Variants in LNPEP observed in about 807,000 individuals in gnomAD.
LNPEP encodes leucyl-cystinyl aminopeptidase.
Under a neutral mutation model 120.6 loss-of-function variants are expected in LNPEP, and 64 were observed. That is an observed-to-expected ratio of 0.53 (90% CI 0.43 to 0.65). The LOEUF is 0.65. Ranked by LOEUF, LNPEP falls within the 30% of genes least tolerant of loss-of-function variation. LNPEP has a pLI of 0.00. For missense variants in LNPEP, 1,057 were observed against 1,200.0 expected (o/e 0.88, Z 1.76); for synonymous variants, 435 against 425.4 (o/e 1.02, Z -0.28).
chr5:96,993,259 C>CTT, intron 5 of LNPEP, 124 bp downstream of exon 5: 2 of 617,180 alleles, frequency 3.2e-6, no homozygotes, highest in Non-Finnish European at 5.4e-6. Context: ...ATTATTAATG[C>CTT]TTTAAAAATT....
At chr5:96,957,472 G>T in intron 1 of LNPEP, among the ~76,000 whole-genome samples, 1 of 152,134 alleles carries the variant, frequency 6.6e-6, no homozygotes. Flanking sequence ...TTGCTAATCA[G>T]CTGACCTTAA....
intron 4 of LNPEP, among the ~76,000 whole-genome samples, chr5:96,988,643 C>T (rs569580277): frequency 6.6e-6 from 1 of 152,098 alleles, no homozygotes; most frequent in Admixed American, 6.6e-5. Flanking sequence ...CAGGGTCTCA[C>T]TCTGCCACCC....
intron 14 of LNPEP, 94 bp from the exon 15 acceptor site, chr5:97,024,427 A>G (rs548483821): frequency 1.3e-4 from 151 of 1,152,836 alleles, no homozygotes; most frequent in Non-Finnish European, 1.6e-4. Context: ...ATTATTACCA[A>G]CCCTCACACC....
intron 1 of LNPEP, among the ~76,000 whole-genome samples, chr5:96,963,735 A>T (rs1360921893): frequency 6.6e-6 from 1 of 152,146 alleles, no homozygotes; most frequent in Non-Finnish European, 1.5e-5. Flanking sequence ...ATTCCTTTTT[A>T]AAAAAGAATG....
intron 1 of LNPEP, among the ~76,000 whole-genome samples, chr5:96,960,059 C>T (rs1157563026): frequency 6.6e-6 from 1 of 151,408 alleles, no homozygotes; most frequent in Non-Finnish European, 1.5e-5. Flanking sequence ...TTGCCTCAGC[C>T]TCCCGAGTAG....
At chr5:96,986,953 C>G (rs1790257674) in intron 4 of LNPEP, among the ~76,000 whole-genome samples, 1 of 151,898 alleles carries the variant, frequency 6.6e-6, no homozygotes, top group South Asian at 2.1e-4. Flanking sequence ...GAGTGGTAGC[C>G]ACTAGCCTTA....
intron 13 of LNPEP, among the ~76,000 whole-genome samples, chr5:97,018,995 C>A (rs1239949130): frequency 6.6e-6 from 1 of 152,140 alleles, no homozygotes; most frequent in Non-Finnish European, 1.5e-5. Context: ...GTGGGATAAA[C>A]CTTTTGCAAT....
intron 1 of LNPEP, among the ~76,000 whole-genome samples, chr5:96,961,503 C>A (rs1355168395): frequency 1.3e-5 from 2 of 152,022 alleles, no homozygotes; most frequent in East Asian, 3.9e-4. Context: ...CTTTAAAAAG[C>A]TTACAGTTTT....
intron 8 of LNPEP, among the ~76,000 whole-genome samples, chr5:97,000,352 A>G (rs187002977): frequency 6.6e-6 from 1 of 152,294 alleles, no homozygotes; most frequent in East Asian, 1.9e-4. Context: ...AAGAATTAAT[A>G]TAGGAGGCCT....
chr5:96,982,834 A>T (rs1790156506), intron 2 of LNPEP, among the ~76,000 whole-genome samples: 1 of 152,210 alleles, frequency 6.6e-6, no homozygotes, highest in African/African-American at 2.4e-5. Context: ...CACAAATTTT[A>T]AGTGTGGAAG....
At chr5:97,014,173 T>TA (rs1374029538) in intron 12 of LNPEP, among the ~76,000 whole-genome samples, 1 of 152,178 alleles carries the variant, frequency 6.6e-6, no homozygotes, top group Non-Finnish European at 1.5e-5. Flanking sequence ...GCATGAAGCT[T>TA]AGTGCTTATG....
chr5:96,958,295 T>A (rs2112576657), intron 1 of LNPEP, among the ~76,000 whole-genome samples: 1 of 152,336 alleles, frequency 6.6e-6, no homozygotes, highest in African/African-American at 2.4e-5. Context: ...TCCTACCTAA[T>A]TCAACAACAA....
At chr5:96,987,132 C>A (rs1790261086) in intron 4 of LNPEP, among the ~76,000 whole-genome samples, 1 of 152,032 alleles carries the variant, frequency 6.6e-6, no homozygotes, top group South Asian at 2.1e-4. Flanking sequence ...TTTTTCAAAG[C>A]AAATCCTGAT....
intron 13 of LNPEP, among the ~76,000 whole-genome samples, chr5:97,020,880 A>T (rs1791177953): frequency 6.6e-6 from 1 of 152,134 alleles, no homozygotes; most frequent in African/African-American, 2.4e-5. Context: ...ATAAAAGCAT[A>T]TTGCATATGA....
At chr5:96,970,724 T>A (rs1789840212) in intron 1 of LNPEP, among the ~76,000 whole-genome samples, 1 of 152,076 alleles carries the variant, frequency 6.6e-6, no homozygotes, top group South Asian at 2.1e-4. Context: ...GGATTAATAA[T>A]ATGCATCATT....
chr5:96,944,069 A>T (rs888070809), intron 1 of LNPEP, among the ~76,000 whole-genome samples: 4 of 152,176 alleles, frequency 2.6e-5, no homozygotes, highest in Non-Finnish European at 4.4e-5. Context: ...GCAAGTGATG[A>T]ACAGTGCTAT....
chr5:97,019,448 A>G lies in LNPEP; in HGVS notation c.2377-2852A>G, dbSNP rs1423565. Among the ~76,000 whole-genome samples, 498 of 152,304 alleles carry G rather than the reference A, an allele frequency of 3.3e-3. 4 individuals carry two copies. The highest frequency in any genetic ancestry group is 0.012 in the African/African-American group (479 of 41,574). ...TGATATTTTGTAACAGGATTTTTCTAATAATATAATTATTCTTTCTTAAAA... is the reference window on the plus strand; with the variant it reads ...TGATATTTTGTAACAGGATTTTTCTGATAATATAATTATTCTTTCTTAAAA... On this transcript the variant is annotated intron_variant, in intron 13 of 17. Coordinates refer to ENST00000231368, the MANE Select transcript of LNPEP (RefSeq NM_005575.3).
At chr5:96,938,721 G>A (rs972852110) in intron 1 of LNPEP, among the ~76,000 whole-genome samples, 4 of 152,130 alleles carry the variant, frequency 2.6e-5, no homozygotes, top group Non-Finnish European at 5.9e-5. Flanking sequence ...CATTTAAAAT[G>A]CATATCCCTG....
intron 7 of LNPEP, 39 bp downstream of exon 7, chr5:96,996,542 G>A (rs1477570187): frequency 2.0e-6 from 2 of 992,912 alleles, no homozygotes; most frequent in African/African-American, 3.2e-5. Flanking sequence ...TGAATGCTAG[G>A]AGGAAAAATA....
Sources: allele counts gnomAD v4.1 joint callset (sites outside exome capture counted in the v4.1 genomes callset), GRCh38; gene constraint gnomAD v4.1.1; transcripts MANE v1.5; gene names NCBI Gene and HGNC (gene_info 2026-07-23, HGNC 2026-07-21).